Variants in PAM observed in about 807,000 individuals in gnomAD.
PAM encodes the protein peptidyl-glycine alpha-amidating monooxygenase.
A neutral mutation model predicts 122.1 loss-of-function variants in PAM; 72 were observed. The observed-to-expected ratio is 0.59, with a 90% CI of 0.49 to 0.72. PAM has a LOEUF of 0.72. Ranked by LOEUF, PAM falls within the 30% of genes least tolerant of loss-of-function variation. The probability of loss-of-function intolerance (pLI) is 0.00; values close to 1 mark genes in which losing one functional copy is unlikely to be tolerated. For synonymous variants in PAM, 389 were observed against 404.4 expected, an observed-to-expected ratio of 0.96 and a Z score of 0.46; for missense variants, 1,106 against 1,183.7, an observed-to-expected ratio of 0.93 and a Z score of 0.96.
intron 1 of PAM, among the ~76,000 whole-genome samples, chr5:102,793,372 GAA>G (rs71620669): frequency 2.0e-5 from 3 of 148,590 alleles, no homozygotes; most frequent in African/African-American, 7.4e-5. Context: ...AAAAAAAAAT[GAA>G]AAAAAAAATA....
intron 1 of PAM, among the ~76,000 whole-genome samples, chr5:102,821,730 T>C (rs1771983152): frequency 6.6e-6 from 1 of 152,008 alleles, no homozygotes; most frequent in African/African-American, 2.4e-5. Context: ...AATGACCCAG[T>C]TAATCCAGTA....
At chr5:102,999,953 G>C (rs1216197195) in intron 16 of PAM, among the ~76,000 whole-genome samples, 1 of 152,142 alleles carries the variant, frequency 6.6e-6, no homozygotes, top group Non-Finnish European at 1.5e-5. Flanking sequence ...AGTAACTTTT[G>C]GCTCCTCGTT....
chr5:103,002,429 TA>T, intron 16 of PAM, among the ~76,000 whole-genome samples: 1 of 152,232 alleles, frequency 6.6e-6, no homozygotes, highest in East Asian at 1.9e-4. Flanking sequence ...TGTTATTTGG[TA>T]AGTTTTATGC....
chr5:102,944,892 A>G (rs374246619), intron 7 of PAM, among the ~76,000 whole-genome samples: 19 of 151,994 alleles, frequency 1.3e-4, no homozygotes, highest in African/African-American at 4.3e-4. Flanking sequence ...TTTTTTAACT[A>G]TTTTACTCTT....
intron 14 of PAM, among the ~76,000 whole-genome samples, chr5:102,962,887 T>C (rs368850872): frequency 2.2e-4 from 34 of 151,932 alleles, no homozygotes; most frequent in East Asian, 2.1e-3. Flanking sequence ...TATACAAATA[T>C]ACCCAAACTC....
chr5:103,022,698 A>G (rs1030367896), intron 23 of PAM, among the ~76,000 whole-genome samples: 2 of 152,140 alleles, frequency 1.3e-5, no homozygotes, highest in Non-Finnish European at 2.9e-5. Flanking sequence ...TGTTTTCCAG[A>G]AACCTAGTGT....
intron 6 of PAM, 127 bp from the exon 7 acceptor site, chr5:102,926,458 G>C (rs1749585890): frequency 4.9e-6 from 3 of 613,364 alleles, no homozygotes; most frequent in Non-Finnish European, 8.6e-6. Flanking sequence ...GTATATTTCT[G>C]TTTTCATATA....
In PAM at chr5:102,785,597, CTGAT is replaced by C. The variant is rs138497201; in HGVS notation, c.-374+30252_-374+30255del. Among the ~76,000 whole-genome samples the C allele has an allele frequency of 8.4e-3, 1,273 of 152,246 alleles. 7 individuals are homozygous for C. The highest frequency in any genetic ancestry group is 0.013 in the Non-Finnish European group (897 of 68,008). On this transcript the variant is annotated intron_variant, in intron 1 of 25. Transcript: ENST00000438793. ...AAACAGAAATGGTGAAATATGGTGA[CTGAT>C]TGGCTTGAAGAGGTTGAGGGAGAGA...
Position 102,865,881 on chromosome 5 carries a change from G to A in PAM, c.-315G>A, listed in dbSNP as rs1467925864. The A allele has an allele frequency of 3.1e-6, 1 of 317,692 alleles. No individual in the cohort carries two copies. The highest frequency in any genetic ancestry group is 5.7e-6 in the Non-Finnish European group (1 of 176,044). 19.7% of individuals were successfully genotyped at this position (317,692 alleles called of 1,614,324 possible). Reference sequence around the variant, plus strand: ...TACCCCTCACAGCCCCTGTCATTCCGGAGTCATAAGGCACCCGCGCGTCTA... The same window carrying A: ...TACCCCTCACAGCCCCTGTCATTCCAGAGTCATAAGGCACCCGCGCGTCTA... On this transcript the variant is annotated 5_prime_UTR_variant, in exon 2 of 26. Transcript: ENST00000438793.
chr5:102,977,803 C>T (rs866109059), intron 15 of PAM, among the ~76,000 whole-genome samples: 7 of 152,004 alleles, frequency 4.6e-5, no homozygotes, highest in South Asian at 4.1e-4. Flanking sequence ...TCCAGGTACC[C>T]GACTGCCTGG....
chr5:103,015,328 T>C (rs1404396083), intron 21 of PAM, among the ~76,000 whole-genome samples: 2 of 152,208 alleles, frequency 1.3e-5, no homozygotes, highest in African/African-American at 4.8e-5. Context: ...AACACGAATT[T>C]CCTTACGAGT....
At chr5:102,905,487 A>T (rs1799255694) in intron 4 of PAM, among the ~76,000 whole-genome samples, 2 of 151,864 alleles carry the variant, frequency 1.3e-5, no homozygotes, top group South Asian at 4.1e-4. Context: ...GCACAGTTAG[A>T]TTTGAATAGT....
intron 1 of PAM, among the ~76,000 whole-genome samples, chr5:102,788,509 C>A (rs1228019715): frequency 6.6e-6 from 1 of 152,064 alleles, no homozygotes; most frequent in Non-Finnish European, 1.5e-5. Context: ...AAAATGGTTG[C>A]TTTGTATCTC....
chr5:102,770,877 T>G (rs1755580196), intron 1 of PAM, among the ~76,000 whole-genome samples: 2 of 152,078 alleles, frequency 1.3e-5, no homozygotes, highest in African/African-American at 4.8e-5. Context: ...TTTGGAACTG[T>G]GTTTTAATAA....
At chr5:102,960,807 A>G (rs1762256067) in intron 13 of PAM, among the ~76,000 whole-genome samples, 1 of 151,796 alleles carries the variant, frequency 6.6e-6, no homozygotes, top group Admixed American at 6.6e-5. Flanking sequence ...TTTATAGAAT[A>G]TGCCTTAAAG....
chr5:102,780,258 G>C (rs529600450), intron 1 of PAM, among the ~76,000 whole-genome samples: 2 of 152,098 alleles, frequency 1.3e-5, no homozygotes, highest in East Asian at 3.9e-4. Context: ...GGGAGTGTTG[G>C]AAGATATGCC....
intron 6 of PAM, among the ~76,000 whole-genome samples, chr5:102,925,488 G>A (rs548321916): frequency 2.6e-5 from 4 of 152,168 alleles, no homozygotes; most frequent in Non-Finnish European, 4.4e-5. Context: ...AGCTTTCAAT[G>A]TGTGAGTGTA....
intron 12 of PAM, among the ~76,000 whole-genome samples, chr5:102,959,011 C>A (rs1042575816): frequency 2.0e-5 from 3 of 152,076 alleles, no homozygotes; most frequent in Non-Finnish European, 4.4e-5. Context: ...TGGTTCCTTC[C>A]TAATAATGCT....
At chr5:102,832,786 C>T (rs549251361) in intron 1 of PAM, among the ~76,000 whole-genome samples, 5 of 152,158 alleles carry the variant, frequency 3.3e-5, no homozygotes, top group African/African-American at 1.2e-4. Context: ...ATGTGATAAA[C>T]CACACAACCT....
Sources: gnomAD v4.1 joint callset for allele counts (sites outside exome capture counted in the v4.1 genomes callset) on GRCh38, gnomAD v4.1.1 for gene constraint, MANE v1.5 for transcripts, NCBI Gene and HGNC (gene_info 2026-07-23, HGNC 2026-07-21) for gene names.